Variants in ZMYM5 observed in about 807,000 individuals in gnomAD.
ZMYM5 encodes zinc finger MYM-type containing 5.
ZMYM5 carries 41 observed loss-of-function variants against 61.8 expected under a neutral mutation model. The observed-to-expected ratio is 0.66, with a 90% CI of 0.52 to 0.86. The LOEUF is 0.86. Among genes scored for constraint, ZMYM5 ranks in the 40% least tolerant of loss-of-function variants. ZMYM5 has a pLI of 0.00. For missense variants in ZMYM5, 706 were observed against 786.7 expected (o/e 0.90, Z 1.23); for synonymous variants, 257 against 276.4 (o/e 0.93, Z 0.70).
At chr13:19,828,225 G>A (rs1891016238) in intron 7 of ZMYM5, among the ~76,000 whole-genome samples, 1 of 152,198 alleles carries the variant, frequency 6.6e-6, no homozygotes, top group African/African-American at 2.4e-5. Flanking sequence ...TGTAATCCCA[G>A]GACTTTGAGA....
At chr13:19,832,499 G>A (rs935058307) in intron 7 of ZMYM5, among the ~76,000 whole-genome samples, 2 of 151,684 alleles carry the variant, frequency 1.3e-5, no homozygotes, top group African/African-American at 4.9e-5. Flanking sequence ...CCTAATTTTT[G>A]CCTTTTTAGT....
rs1789654716 is a variant in ZMYM5, at chr13:19,838,965, C to G, written c.607G>C (p.Ala203Pro). ...HSPDSWISQS[A>P]SFPSNQKQPG... is the part of the protein sequence containing the mutation. ...TGTTTCTGATTACTGGGAAATGAAGCTGACTGGGAGATCCAAGAATCTTAA... is the reference window on the plus strand; with the variant it reads ...TGTTTCTGATTACTGGGAAATGAAGGTGACTGGGAGATCCAAGAATCTTAA... The change falls in exon 5 of 8, where the codon GCT (alanine) becomes CCT (proline). Residue 203 changes from alanine to proline, a missense_variant. Physicochemically the swap from Ala to Pro is conservative, Grantham distance 27 (BLOSUM62 -1). This residue lies in a region of ZMYM5 where 480 missense variants were observed against 461.7 expected (regional missense o/e 1.04). Transcript: ENST00000337963. The G allele has an allele frequency of 1.2e-6, 2 of 1,611,676 alleles. No homozygotes were observed. Among genetic ancestry groups the G allele is most frequent in the Admixed American group, 3.3e-5 (2 of 59,762 alleles).
Position 19,841,379 on chromosome 13 carries a change from C to T in ZMYM5, c.587-2394G>A, listed in dbSNP as rs191699379. On this transcript the variant is annotated intron_variant, in intron 4 of 7. Coordinates refer to ENST00000337963, the MANE Select transcript of ZMYM5 (RefSeq NM_001142684.2). ...CCTCTTTGCAGGTCCTCAGTGTCTACTGAAAACTCCATTTAGCTTCTCTGC... is the reference window on the plus strand; with the variant it reads ...CCTCTTTGCAGGTCCTCAGTGTCTATTGAAAACTCCATTTAGCTTCTCTGC... Among the ~76,000 whole-genome samples the T allele has an allele frequency of 4.7e-4, 71 of 152,294 alleles. 1 individual carries two copies. Among genetic ancestry groups the T allele is most frequent in the African/African-American group, 1.6e-3 (66 of 41,560 alleles).
At chr13:19,826,387 T>G (rs1448717982) in intron 7 of ZMYM5, among the ~76,000 whole-genome samples, 1 of 151,302 alleles carries the variant, frequency 6.6e-6, no homozygotes, top group African/African-American at 2.4e-5. Flanking sequence ...ACTGGAAGTT[T>G]GTCAAAATTT....
intron 2 of ZMYM5, among the ~76,000 whole-genome samples, chr13:19,853,822 T>C (rs1953406419): frequency 6.6e-6 from 1 of 151,954 alleles, no homozygotes; most frequent in Non-Finnish European, 1.5e-5. Context: ...GCTCAGATGA[T>C]CCGCCTGCCT....
chr13:19,832,985 T>C (rs373148172), intron 7 of ZMYM5, among the ~76,000 whole-genome samples: 3 of 150,468 alleles, frequency 2.0e-5, no homozygotes, highest in African/African-American at 7.4e-5. Context: ...CCTCCCATCT[T>C]GGCCTCCCAA....
chr13:19,846,912 G>A (rs779267089), intron 4 of ZMYM5, among the ~76,000 whole-genome samples: 17 of 152,054 alleles, frequency 1.1e-4, no homozygotes, highest in Non-Finnish European at 2.5e-4. Flanking sequence ...GGGAAACAGA[G>A]TGGGATGCTG....
At position 19,851,847 on chromosome 13, in the gene ZMYM5, T is replaced by C; in HGVS notation, c.334A>G (p.Asn112Asp). The C allele has an allele frequency of 6.2e-7, 1 of 1,612,368 alleles. No individual in the cohort carries two copies. The highest frequency in any genetic ancestry group is 1.1e-5 in the South Asian group (1 of 90,470). Residue 112 changes from asparagine to aspartate, a missense_variant, in exon 3 of 8, where the codon AAT becomes GAT. Coordinates refer to ENST00000337963, the MANE Select transcript of ZMYM5 (RefSeq NM_001142684.2). ...SSRDLASQKGNISETIVIDDE... is the reference protein window; with the variant it reads ...SSRDLASQKGDISETIVIDDE... ...TCAATAACAATTGTCTCACTTATAT[T>C]TCCTTTCTGAGATGCCAAATCTCTT...
rs1278057043 is a variant in ZMYM5, at chr13:19,824,338, T to G, written c.*139A>C. The G allele has an allele frequency of 8.8e-6, 5 of 567,438 alleles. No individual in the cohort carries two copies. The highest frequency in any genetic ancestry group is 1.1e-4 in the Admixed American group (2 of 17,608). The allele number at this position is 567,438 out of a possible 1,614,324, so 35.2% of individuals were successfully genotyped here. ...AACATTCTTTGCTATTTATTTGCTATCATACTTATTGCTAAGGAACTGCTG... is the reference window on the plus strand; with the variant it reads ...AACATTCTTTGCTATTTATTTGCTAGCATACTTATTGCTAAGGAACTGCTG... On this transcript the variant is annotated 3_prime_UTR_variant, in exon 8 of 8. Coordinates refer to ENST00000337963, the MANE Select transcript of ZMYM5 (RefSeq NM_001142684.2).
At chr13:19,850,095 G>C (rs1474572786) in intron 4 of ZMYM5, among the ~76,000 whole-genome samples, 1 of 151,780 alleles carries the variant, frequency 6.6e-6, no homozygotes, top group Admixed American at 6.6e-5. Context: ...CACTAAAATG[G>C]TCAAAAAAAC....
intron 2 of ZMYM5, among the ~76,000 whole-genome samples, chr13:19,852,814 T>C (rs1953363048): frequency 6.6e-6 from 1 of 152,216 alleles, no homozygotes; most frequent in South Asian, 2.1e-4. Context: ...TTGTTCCACA[T>C]AACACTGGGA....
chr13:19,849,320 C>A (rs114760579), intron 4 of ZMYM5, among the ~76,000 whole-genome samples: 1 of 151,994 alleles, frequency 6.6e-6, no homozygotes, highest in Non-Finnish European at 1.5e-5. Flanking sequence ...ATGAGGTCTT[C>A]GCTACGTTAC....
At chr13:19,835,722 T>C (rs1439696004) in intron 6 of ZMYM5, 33 bp from the exon 7 acceptor site, 1 of 1,347,142 alleles carries the variant, frequency 7.4e-7, no homozygotes, top group African/African-American at 1.5e-5. Context: ...TTAACTAAGA[T>C]ATATGAACCA....
In ZMYM5 at chr13:19,862,407, T is replaced by C. The variant is rs1028093842; in HGVS notation, c.-19A>G. 2.0e-5 allele frequency: 3 copies of C among 149,966 alleles called. No individual in the cohort carries two copies. Among genetic ancestry groups the C allele is most frequent in the African/African-American group, 7.4e-5 (3 of 40,780 alleles). The allele number at this position is 149,966 out of a possible 1,614,324, so 9.3% of individuals were successfully genotyped here. On this transcript the variant is annotated 5_prime_UTR_variant, in exon 2 of 8. The change creates a new upstream start codon in the 5' untranslated region. Transcript: ENST00000337963. ...AAAAAAAAACAACTCACAATGGAGA[T>C]ATTTCCTTCTTAATTTCTGCCAAAG...
At chr13:19,842,670 G>C (rs1201893465) in intron 4 of ZMYM5, among the ~76,000 whole-genome samples, 2 of 145,994 alleles carry the variant, frequency 1.4e-5, no homozygotes, top group Non-Finnish European at 3.0e-5. Flanking sequence ...AAAAAAAAAA[G>C]GTTTCTTGGC....
chr13:19,834,567 C>T (rs1021140355), intron 7 of ZMYM5, among the ~76,000 whole-genome samples: 16 of 152,066 alleles, frequency 1.1e-4, no homozygotes, highest in African/African-American at 3.6e-4. Flanking sequence ...GGATTACAGG[C>T]GTGAAGCACC....
In ZMYM5 at chr13:19,838,719, G is replaced by T. The variant is rs373394663; in HGVS notation, c.853C>A (p.Arg285=). The T allele has an allele frequency of 1.2e-6, 2 of 1,614,126 alleles. No individual in the cohort carries two copies. Among genetic ancestry groups the T allele is most frequent in the Non-Finnish European group, 1.7e-6 (2 of 1,179,998 alleles). ...GCTTACTTTTTACATATTATGCTTC[G>T]TGTGTTTTGAGTACGTTTATGAGAG... The part of the protein sequence containing the change: ...SFSHKRTQNT[R]SIICKKDAST... Residue 285 remains arginine (R), a synonymous_variant, in exon 5 of 8, where the codon CGA becomes AGA. Coordinates refer to ENST00000337963, the MANE Select transcript of ZMYM5 (RefSeq NM_001142684.2).
At chr13:19,863,141 G>A (rs955382104) in intron 1 of ZMYM5, among the ~76,000 whole-genome samples, 2 of 151,114 alleles carry the variant, frequency 1.3e-5, no homozygotes, top group Non-Finnish European at 3.0e-5. Context: ...GCCACTATGC[G>A]GCAGGAGAGA....
At chr13:19,858,578 G>A (rs1054940404) in intron 2 of ZMYM5, among the ~76,000 whole-genome samples, 1 of 92,148 alleles carries the variant, frequency 1.1e-5, no homozygotes, top group African/African-American at 4.0e-5. Context: ...ACTGAGAGAC[G>A]CTGTTTCAAA....
Sources: gnomAD v4.1 joint callset for allele counts (sites outside exome capture counted in the v4.1 genomes callset) on GRCh38, gnomAD v4.1.1 for gene constraint, gnomAD v4.1.1 regional missense constraint, MANE v1.5 for transcripts, NCBI Gene and HGNC (gene_info 2026-07-23, HGNC 2026-07-21) for gene names.